Variants in SH3TC2 observed in about 807,000 individuals in gnomAD.
The protein encoded by SH3TC2 is SH3 domain and tetratricopeptide repeats 2.
In SH3TC2, 87 loss-of-function variants were observed where a neutral mutation model predicts 124.5. That is an observed-to-expected ratio of 0.70 (90% confidence interval 0.59 to 0.84). The LOEUF (loss-of-function observed/expected upper bound fraction) is 0.84. SH3TC2 is among the 40% of genes least tolerant of loss of function. The pLI is 0.00. For missense variants in SH3TC2, 1,536 were observed against 1,566.4 expected, an observed-to-expected ratio of 0.98 and a Z score of 0.33; for synonymous variants, 634 against 628.5, an observed-to-expected ratio of 1.01 and a Z score of -0.13.
At chr5:149,056,322 T>A (rs1345011884) in intron 1 of SH3TC2, among the ~76,000 whole-genome samples, 2 of 152,162 alleles carry the variant, frequency 1.3e-5, no homozygotes, top group African/African-American at 2.4e-5. Flanking sequence ...GTTTATAAGT[T>A]CTTATCATTT....
Position 149,005,569 on chromosome 5 carries a change from C to T in SH3TC2, c.3676-667G>A, listed in dbSNP as rs1753673403. Among the ~76,000 whole-genome samples, 5 of 152,110 alleles carry T rather than the reference C, an allele frequency of 3.3e-5. No individual in the cohort carries two copies. The South Asian group carries it at 1.0e-3, about 32-fold the overall frequency. On this transcript the variant is annotated intron_variant, in intron 16 of 16. Coordinates refer to ENST00000515425, the MANE Select transcript of SH3TC2 (RefSeq NM_024577.4). Reference sequence around the variant, plus strand: ...ACATGATCAGATCACACACTTTGTCCCTGAACCACTTACTGGGAGCTATGG... The same window carrying T: ...ACATGATCAGATCACACACTTTGTCTCTGAACCACTTACTGGGAGCTATGG...
intron 1 of SH3TC2, 136 bp downstream of exon 1, chr5:149,062,835 A>C: frequency 1.2e-6 from 1 of 810,634 alleles, no homozygotes; most frequent in Non-Finnish European, 2.1e-6. Context: ...CCAGGGAGGA[A>C]GGAGAGGCAG....
At chr5:149,049,490 G>A (rs1246834366) in intron 2 of SH3TC2, among the ~76,000 whole-genome samples, 1 of 152,174 alleles carries the variant, frequency 6.6e-6, no homozygotes, top group Non-Finnish European at 1.5e-5. Flanking sequence ...TACTAGACTG[G>A]GCGCAGTGGC....
intron 8 of SH3TC2, among the ~76,000 whole-genome samples, chr5:149,034,057 A>C (rs1754242984): frequency 6.6e-6 from 1 of 152,240 alleles, no homozygotes; most frequent in Admixed American, 6.5e-5. Flanking sequence ...TAGAAATGAC[A>C]ATAATCTGAA....
chr5:149,007,110 C>T (rs1753704351), intron 15 of SH3TC2, 33 bp from the exon 16 acceptor site: 1 of 1,599,278 alleles, frequency 6.3e-7, no homozygotes, highest in Non-Finnish European at 8.6e-7. Context: ...AGATATCCTG[C>T]AACCAACACT....
Position 149,027,593 on chromosome 5 carries a change from A to G in SH3TC2, c.2139T>C (p.Leu713=). 1 of 1,614,236 alleles carries G rather than the reference A, an allele frequency of 6.2e-7. No homozygotes were observed. The highest frequency in any genetic ancestry group is 8.5e-7 in the Non-Finnish European group (1 of 1,180,034). Residue 713 remains leucine (L), a synonymous_variant, in exon 11 of 17, where the codon CTT becomes CTC. Transcript: ENST00000515425. ...GMSLPIWQVH[L]VLQNTTKLLG... ...GGAGCTTGGTTGTGTTCTGGAGGAC[A>G]AGGTGGACCTGCCAAATAGGAAGAG...
chr5:149,042,007 T>C (rs1754379356), intron 5 of SH3TC2, among the ~76,000 whole-genome samples: 1 of 152,250 alleles, frequency 6.6e-6, no homozygotes. Context: ...TTTGGGTGAA[T>C]ATAATTACTC....
At position 148,996,846 on chromosome 5, in the gene SH3TC2, G is replaced by T. The variant is rs1753517717; in HGVS notation, c.*7865C>A. 6.6e-6 allele frequency among the ~76,000 whole-genome samples: 1 copy of T among 152,154 alleles called. No homozygotes were observed. Among genetic ancestry groups the T allele is most frequent in the African/African-American group, 2.4e-5 (1 of 41,412 alleles). Reference sequence around the variant, plus strand: ...AACTATGGTCCGCTAGATTTGGAAGGTTAAAATAAAAGACAGAAGCGAGGT... The same window carrying T: ...AACTATGGTCCGCTAGATTTGGAAGTTTAAAATAAAAGACAGAAGCGAGGT... On this transcript the variant is annotated 3_prime_UTR_variant, in exon 17 of 17. Transcript: ENST00000515425.
chr5:148,990,463 G>A lies in SH3TC2; in HGVS notation c.*14248C>T, dbSNP rs985375497. Among the ~76,000 whole-genome samples, 3 of 152,172 alleles carry A rather than the reference G, an allele frequency of 2.0e-5. No homozygotes were observed. The highest frequency in any genetic ancestry group is 2.4e-5 in the African/African-American group (1 of 41,446). On this transcript the variant is annotated 3_prime_UTR_variant, in exon 17 of 17. Coordinates refer to ENST00000515425, the MANE Select transcript of SH3TC2 (RefSeq NM_024577.4). ...ACCAGGTTAACCTAAAGACAACCAT[G>A]CTGATGAAGCCAAGTCAGGAGCAAA...
Position 149,001,057 on chromosome 5 carries a change from T to C in SH3TC2, c.*3654A>G, listed in dbSNP as rs1753589207. Reference sequence around the variant, plus strand: ...CCAAAATACAGGTTCCCTTTAGTGATAGGCTTCCTGATCCCTCATCCTAAC... The same window carrying C: ...CCAAAATACAGGTTCCCTTTAGTGACAGGCTTCCTGATCCCTCATCCTAAC... On this transcript the variant is annotated 3_prime_UTR_variant, in exon 17 of 17. Transcript: ENST00000515425. 1.3e-5 allele frequency among the ~76,000 whole-genome samples: 2 copies of C among 152,236 alleles called. No individual in the cohort carries two copies. The highest frequency in any genetic ancestry group is 1.9e-4 in the East Asian group (1 of 5,172).
intron 15 of SH3TC2, chr5:149,007,325 G>C (rs1335897317): frequency 1.1e-4 from 70 of 620,682 alleles, no homozygotes; most frequent in Non-Finnish European, 1.5e-4. Context: ...AGAAAATGCA[G>C]GGCTCTATAA....
rs1416948610 is a variant in SH3TC2 at position 148,982,648 on chromosome 5, G to A, written c.*22063C>T. Among the ~76,000 whole-genome samples, 2 of 152,184 alleles carry A rather than the reference G, an allele frequency of 1.3e-5. No individual in the cohort carries two copies. Among genetic ancestry groups the A allele is most frequent in the Admixed American group, 6.5e-5 (1 of 15,284 alleles). On this transcript the variant is annotated 3_prime_UTR_variant, in exon 17 of 17. Transcript: ENST00000515425. The stretch of plus-strand genomic sequence containing the variant: ...AAATAAGCAAGGTACAAAGCAGAGT[G>A]TATAGTATGCTATAATATTTAAAAT...
chr5:149,034,065 G>A (rs776208733), intron 8 of SH3TC2, among the ~76,000 whole-genome samples: 50 of 151,976 alleles, frequency 3.3e-4, no homozygotes, highest in Non-Finnish European at 5.4e-4. Context: ...ACAATAATCT[G>A]AAGAAGAATT....
intron 1 of SH3TC2, among the ~76,000 whole-genome samples, chr5:149,052,938 A>G (rs1034849131): frequency 6.6e-5 from 10 of 152,236 alleles, no homozygotes; most frequent in African/African-American, 1.4e-4. Flanking sequence ...GCTGTAGAAC[A>G]TGGGTCTCCT....
intron 12 of SH3TC2, among the ~76,000 whole-genome samples, chr5:149,013,282 A>G (rs1296746336): frequency 7.0e-6 from 1 of 143,728 alleles, no homozygotes; most frequent in Non-Finnish European, 1.6e-5. Flanking sequence ...TGTTCTCATG[A>G]CAGTGAGTCT....
At chr5:149,044,854 G>A in intron 3 of SH3TC2, 1 of 507,022 alleles carries the variant, frequency 2.0e-6, no homozygotes, top group South Asian at 2.1e-5. Context: ...TGCAGCCACA[G>A]AAAAGAAGAA....
Position 149,028,263 on chromosome 5 carries a change from G to A in SH3TC2, c.1469C>T (p.Ser490Phe). Reference sequence around the variant, plus strand: ...AAAGGAAGAAGTGAGGAAAGAGAAGGAGAAGTCATAGAGACTCTTAAAGTG... The same window carrying A: ...AAAGGAAGAAGTGAGGAAAGAGAAGAAGAAGTCATAGAGACTCTTAAAGTG... ...ADHFKSLYDFSFSFLTSSFYS... is the reference protein window; with the variant it reads ...ADHFKSLYDFFFSFLTSSFYS... The change falls in exon 11 of 17, where the codon TCC becomes TTC. Residue 490 changes from serine to phenylalanine, a missense_variant. Transcript: ENST00000515425. The A allele has an allele frequency of 6.2e-7, 1 of 1,613,946 alleles. No homozygotes were observed. The highest frequency in any genetic ancestry group is 8.5e-7 in the Non-Finnish European group (1 of 1,180,032).
rs1580880631 is a variant in SH3TC2 at position 148,995,334 on chromosome 5, G to T, written c.*9377C>A. On this transcript the variant is annotated 3_prime_UTR_variant, in exon 17 of 17. Transcript: ENST00000515425. ...CTATCACCTGAAAAGGGGAGATAAG[G>T]TCACCTTCTTTGGAGGATCATTTGG... Among the ~76,000 whole-genome samples, 1 of 152,136 alleles carries T rather than the reference G, an allele frequency of 6.6e-6. No individual in the cohort carries two copies.
intron 12 of SH3TC2, among the ~76,000 whole-genome samples, chr5:149,018,585 G>A (rs1753915652): frequency 6.6e-6 from 1 of 152,094 alleles, no homozygotes; most frequent in African/African-American, 2.4e-5. Context: ...ACCATGAGAA[G>A]AGTATGGGGG....
Sources: allele counts gnomAD v4.1 joint callset (sites outside exome capture counted in the v4.1 genomes callset), GRCh38; gene constraint gnomAD v4.1.1; transcripts MANE v1.5; gene names NCBI Gene and HGNC (gene_info 2026-07-23, HGNC 2026-07-21).